Variants in AKAP6 observed in about 807,000 individuals in gnomAD.
AKAP6 encodes the protein A-kinase anchoring protein 6, also known as A-kinase anchor protein 6.
A neutral mutation model predicts 188.5 loss-of-function variants in AKAP6; 58 were observed. That is an observed-to-expected ratio of 0.31 (90% CI 0.25 to 0.38). The LOEUF (loss-of-function observed/expected upper bound fraction) is 0.38. AKAP6 is among the 10% of genes least tolerant of loss of function. AKAP6 has a pLI of 1.00. For synonymous variants in AKAP6, 989 were observed against 998.6 expected, an observed-to-expected ratio of 0.99 and a Z score of 0.18; for missense variants, 2,710 against 2,740.0, an observed-to-expected ratio of 0.99 and a Z score of 0.24.
intron 2 of AKAP6, among the ~76,000 whole-genome samples, chr14:32,455,613 T>G (rs760595166): frequency 7.2e-5 from 11 of 152,224 alleles, no homozygotes; most frequent in Non-Finnish European, 1.6e-4. Flanking sequence ...CCTGAGATTC[T>G]TCCTTGAAAA....
chr14:32,512,109 A>T (rs1021037283), intron 2 of AKAP6, among the ~76,000 whole-genome samples: 8 of 152,162 alleles, frequency 5.3e-5, no homozygotes, highest in African/African-American at 1.7e-4. Context: ...GTCTGTAGTT[A>T]AATAGTGGTG....
chr14:32,724,835 C>T (rs963786979), intron 9 of AKAP6, among the ~76,000 whole-genome samples: 10 of 151,748 alleles, frequency 6.6e-5, no homozygotes, highest in African/African-American at 2.4e-4. Context: ...TTTTTATTGA[C>T]ACTGGAGGAA....
In AKAP6 at chr14:32,823,546, T is replaced by G; in HGVS notation, c.5733T>G (p.Asn1911Lys). 1 of 1,613,872 alleles carries G rather than the reference T, an allele frequency of 6.2e-7. No individual in the cohort carries two copies. The highest frequency in any genetic ancestry group is 1.1e-5 in the South Asian group (1 of 91,082). ...CAGAAAGGCAAAAGGGAAAACCGAATGTGACTTCAAAGGTATCAGAAAATC... is the reference window on the plus strand; with the variant it reads ...CAGAAAGGCAAAAGGGAAAACCGAAGGTGACTTCAAAGGTATCAGAAAATC... ...GIPERQKGKP[N>K]VTSKVSENLG... The change falls in exon 13 of 14, where the codon AAT (asparagine) becomes AAG (lysine). Residue 1911 changes from asparagine (N) to lysine (K), a missense_variant. Transcript: ENST00000280979.
intron 7 of AKAP6, among the ~76,000 whole-genome samples, chr14:32,603,217 G>A (rs1015418509): frequency 2.0e-5 from 3 of 151,716 alleles, no homozygotes; most frequent in South Asian, 2.1e-4. Context: ...ACATTATTGC[G>A]TTGCACTCTA....
intron 7 of AKAP6, among the ~76,000 whole-genome samples, chr14:32,625,985 TG>T (rs1887007038): frequency 6.6e-6 from 1 of 152,130 alleles, no homozygotes. Flanking sequence ...GTGTCTAACT[TG>T]GGTTCTTACC....
chr14:32,614,916 A>G (rs1886496970), intron 7 of AKAP6, among the ~76,000 whole-genome samples: 1 of 151,988 alleles, frequency 6.6e-6, no homozygotes, highest in Non-Finnish European at 1.5e-5. Flanking sequence ...CACACCTGTT[A>G]TCCCAGCACT....
At chr14:32,711,451 T>C (rs1891050274) in intron 9 of AKAP6, among the ~76,000 whole-genome samples, 1 of 152,064 alleles carries the variant, frequency 6.6e-6, no homozygotes, top group African/African-American at 2.4e-5. Flanking sequence ...CATAAATAGA[T>C]TCACACGGAC....
chr14:32,388,773 A>G (rs1888613347), intron 1 of AKAP6, among the ~76,000 whole-genome samples: 1 of 152,112 alleles, frequency 6.6e-6, no homozygotes, highest in Admixed American at 6.5e-5. Flanking sequence ...GTGACCTATC[A>G]TATGGTCTAT....
At chr14:32,778,165 G>A (rs1263274345) in intron 12 of AKAP6, among the ~76,000 whole-genome samples, 6 of 152,046 alleles carry the variant, frequency 3.9e-5, no homozygotes, top group Admixed American at 1.3e-4. Context: ...ATTACCCATC[G>A]ACCTGTACCA....
Position 32,824,642 on chromosome 14 carries a change from G to C in AKAP6, c.6829G>C (p.Val2277Leu), listed in dbSNP as rs370112227. 7 of 1,613,782 alleles carry C rather than the reference G, an allele frequency of 4.3e-6. No homozygotes were observed. The African/African-American group carries it at 9.3e-5, about 22-fold the overall frequency. ...EHNAASAKSKVQDLSLKANQP... is the reference protein window; with the variant it reads ...EHNAASAKSKLQDLSLKANQP... ...TAATGCTGCTTCAGCCAAATCTAAA[G>C]TTCAAGACCTCTCCTTGAAGGCAAA... is the stretch of plus-strand genomic sequence containing the variant. Residue 2277 changes from valine to leucine, a missense_variant, in exon 13 of 14, where the codon GTT (valine) becomes CTT (leucine). Coordinates refer to ENST00000280979, the MANE Select transcript of AKAP6 (RefSeq NM_004274.5).
At chr14:32,507,340 T>A (rs1172753446) in intron 2 of AKAP6, among the ~76,000 whole-genome samples, 6 of 152,200 alleles carry the variant, frequency 3.9e-5, no homozygotes, top group Admixed American at 3.3e-4. Flanking sequence ...GACTTTACCA[T>A]CCAGTATCTC....
intron 1 of AKAP6, among the ~76,000 whole-genome samples, chr14:32,363,800 C>G (rs1887739295): frequency 1.3e-5 from 2 of 152,338 alleles, no homozygotes; most frequent in South Asian, 4.1e-4. Flanking sequence ...AAGGAAAATA[C>G]TTTGCATCCT....
Position 32,696,095 on chromosome 14 carries a change from G to A in AKAP6, c.2985G>A (p.Gln995=). ...ACCTGATGATGTCAGAGGAGCAGCA[G>A]CAGCATCTTTACAAGGTTAGAGCTA... ...SHDLMMSEEQ[Q]QHLYKRYSVE... Residue 995 remains glutamine, a synonymous_variant, in exon 9 of 14, where the codon CAG becomes CAA. Transcript: ENST00000280979. 1 of 1,608,784 alleles carries A rather than the reference G, an allele frequency of 6.2e-7. No individual in the cohort carries two copies. Among genetic ancestry groups the A allele is most frequent in the Non-Finnish European group, 8.5e-7 (1 of 1,178,514 alleles).
intron 4 of AKAP6, among the ~76,000 whole-genome samples, chr14:32,557,387 G>T (rs901536705): frequency 6.6e-6 from 1 of 152,140 alleles, no homozygotes; most frequent in Non-Finnish European, 1.5e-5. Context: ...AGGAGCCGCC[G>T]CATGGCCCAT....
chr14:32,341,522 A>T (rs1045385385), intron 1 of AKAP6, among the ~76,000 whole-genome samples: 2 of 152,234 alleles, frequency 1.3e-5, no homozygotes, highest in Non-Finnish European at 2.9e-5. Context: ...CTAGTGAAGT[A>T]GTGCAAAGAG....
intron 2 of AKAP6, among the ~76,000 whole-genome samples, chr14:32,510,405 T>TATATATGTATATATATACAC (rs1881141770): frequency 9.2e-5 from 9 of 98,030 alleles, no homozygotes; most frequent in Non-Finnish European, 1.6e-4. Context: ...TATATATATG[T>TATATATGTATATATATACAC]ATATATATGT....
chr14:32,773,036 A>G (rs745708867), intron 11 of AKAP6, among the ~76,000 whole-genome samples: 4 of 152,238 alleles, frequency 2.6e-5, no homozygotes, highest in Non-Finnish European at 5.9e-5. Context: ...CTTCTTAAAT[A>G]GTGTGAATGT....
At chr14:32,686,218 AT>A (rs34502034) in intron 8 of AKAP6, among the ~76,000 whole-genome samples, 92,285 of 151,876 alleles carry the variant, frequency 0.61, 29,057 homozygotes, top group East Asian at 0.84. Context: ...GTCTCACTTT[AT>A]TTTTTGGGAT....
chr14:32,718,597 T>C (rs1263865149), intron 9 of AKAP6, among the ~76,000 whole-genome samples: 1 of 152,222 alleles, frequency 6.6e-6, no homozygotes, highest in Non-Finnish European at 1.5e-5. Context: ...TTTTCTTTGA[T>C]AGGTTTTCAC....
Sources: allele counts gnomAD v4.1 joint callset (sites outside exome capture counted in the v4.1 genomes callset), GRCh38; gene constraint gnomAD v4.1.1; transcripts MANE v1.5; gene names NCBI Gene and HGNC (gene_info 2026-07-23, HGNC 2026-07-21).